The following UGT2A1 variants were observed in gnomAD, a reference collection of about 807,000 sequenced individuals.
UGT2A1 encodes the protein UDP-glucuronosyltransferase 2A1.
In UGT2A1, 61 loss-of-function variants were observed where a neutral mutation model predicts 45.4. That is an observed-to-expected ratio of 1.34 (90% CI 1.09 to 1.66). UGT2A1 has a LOEUF of 1.66. Ranked by LOEUF, UGT2A1 falls within the 40% of genes most tolerant of loss-of-function variation. The probability of loss-of-function intolerance (pLI) is 0.00; values close to 1 mark genes in which losing one functional copy is unlikely to be tolerated. For missense variants in UGT2A1, 649 were observed against 574.3 expected (o/e 1.13, Z -1.33); for synonymous variants, 229 against 196.2 (o/e 1.17, Z -1.40).
At chr4:69,613,567 A>G (rs1720194602) in intron 3 of UGT2A1, among the ~76,000 whole-genome samples, 1 of 152,030 alleles carries the variant, frequency 6.6e-6, no homozygotes, top group Non-Finnish European at 1.5e-5. Context: ...CATAGACACA[A>G]ACATCTTAAC....
chr4:69,612,652 G>A (rs1720132712), intron 3 of UGT2A1, among the ~76,000 whole-genome samples: 1 of 151,928 alleles, frequency 6.6e-6, no homozygotes, highest in Admixed American at 6.6e-5. Flanking sequence ...TCAATAAATG[G>A]TGCTGGGATA....
chr4:69,612,907 G>GAAAAA (rs34670944), intron 3 of UGT2A1, among the ~76,000 whole-genome samples: 11 of 140,048 alleles, frequency 7.9e-5, no homozygotes, highest in African/African-American at 2.1e-4. Flanking sequence ...AACCTCTGCA[G>GAAAAA]AAAAAAAAAA....
rs752746157 is a variant in UGT2A1 at position 69,589,459 on chromosome 4, C to T, written c.1497G>A (p.Val499=). The change falls in exon 7 of 7, where the codon GTG becomes GTA. Residue 499 remains valine, a synonymous_variant. Transcript: ENST00000286604. ...LDVIGFLLVC[V]TTAIFLVIQC... ...GTATGACCAAAAATATAGCCGTTGT[C>T]ACACAGACCAGCAAGAACCCAATTA... The T allele has an allele frequency of 6.2e-7, 1 of 1,614,042 alleles. No homozygotes were observed. The highest frequency in any genetic ancestry group is 8.5e-7 in the Non-Finnish European group (1 of 1,180,008).
chr4:69,590,810 A>G (rs1423664566), intron 6 of UGT2A1, among the ~76,000 whole-genome samples: 2 of 152,230 alleles, frequency 1.3e-5, no homozygotes, highest in African/African-American at 2.4e-5. Flanking sequence ...ATGTGGGACA[A>G]AGACCATGCT....
chr4:69,631,509 A>G (rs777245799), intron 3 of UGT2A1, among the ~76,000 whole-genome samples: 8 of 152,170 alleles, frequency 5.3e-5, no homozygotes, highest in Non-Finnish European at 4.4e-5. Context: ...ACCACCAATA[A>G]TGAGAAATAG....
intron 3 of UGT2A1, among the ~76,000 whole-genome samples, chr4:69,611,351 C>G (rs1272982789): frequency 7.0e-6 from 1 of 143,012 alleles, no homozygotes; most frequent in African/African-American, 2.6e-5. Flanking sequence ...CAACAAAATA[C>G]AGCAGGGTCA....
intron 3 of UGT2A1, among the ~76,000 whole-genome samples, chr4:69,600,623 T>A (rs755000756): frequency 3.3e-5 from 5 of 152,128 alleles, no homozygotes; most frequent in Non-Finnish European, 7.4e-5. Flanking sequence ...CTGAGTAATT[T>A]ATTTTTTTAA....
chr4:69,642,396 A>C (rs1313513861), intron 2 of UGT2A1, among the ~76,000 whole-genome samples: 1 of 151,788 alleles, frequency 6.6e-6, no homozygotes, highest in Admixed American at 6.6e-5. Flanking sequence ...CAGAAAAAGA[A>C]GAAGGAAGGA....
intron 3 of UGT2A1, among the ~76,000 whole-genome samples, chr4:69,607,963 C>G (rs1369382522): frequency 2.0e-5 from 3 of 152,148 alleles, no homozygotes; most frequent in Non-Finnish European, 4.4e-5. Flanking sequence ...CACTTTTACA[C>G]TGTTGGTGGG....
chr4:69,594,538 G>C lies in UGT2A1; in HGVS notation c.1243C>G (p.Leu415Val), dbSNP rs754846960. 2.5e-6 allele frequency: 4 copies of C among 1,614,006 alleles called. No homozygotes were observed. The highest frequency in any genetic ancestry group is 1.3e-5 in the African/African-American group (1 of 74,896). ...AAATCCACACTTGTCATTGTGTTTA[G>C]GTTCACTTCCACAGCTGCTCCTTTG... is the stretch of plus-strand genomic sequence containing the variant. ...KAKGAAVEVN[L>V]NTMTSVDLLS... Residue 415 changes from leucine (L) to valine (V), a missense_variant, in exon 6 of 7, where the codon CTA becomes GTA. By Grantham distance (32) the Leu-to-Val change is conservative. Transcript: ENST00000286604.
At chr4:69,609,278 A>G (rs765462117) in intron 3 of UGT2A1, among the ~76,000 whole-genome samples, 5 of 151,860 alleles carry the variant, frequency 3.3e-5, no homozygotes, top group Non-Finnish European at 7.4e-5. Flanking sequence ...TCAGCCTCTC[A>G]GTAGCTGGGA....
At chr4:69,592,808 C>A (rs1560465469) in intron 6 of UGT2A1, among the ~76,000 whole-genome samples, 2 of 151,276 alleles carry the variant, frequency 1.3e-5, no homozygotes, top group Non-Finnish European at 3.0e-5. Context: ...AGAAATAATA[C>A]AAAAAAAATT....
chr4:69,639,721 C>T (rs950218965), intron 2 of UGT2A1: 38 of 1,349,468 alleles, frequency 2.8e-5, no homozygotes, highest in South Asian at 6.8e-5. Context: ...ATATTTAGTG[C>T]GATGGTTACA....
chr4:69,599,607 G>A, intron 3 of UGT2A1: 7 of 562,596 alleles, frequency 1.2e-5, no homozygotes, highest in South Asian at 5.4e-5. Context: ...AAGGAAGGGA[G>A]GAAGGGAGGA....
chr4:69,637,585 T>G (rs1057290764), intron 2 of UGT2A1, among the ~76,000 whole-genome samples: 4 of 152,188 alleles, frequency 2.6e-5, no homozygotes, highest in African/African-American at 9.6e-5. Context: ...CCTGATGTCA[T>G]TCTTTCATTT....
intron 6 of UGT2A1, among the ~76,000 whole-genome samples, chr4:69,589,991 C>T (rs2109870755): frequency 6.6e-6 from 1 of 152,264 alleles, no homozygotes; most frequent in East Asian, 1.9e-4. Flanking sequence ...TGGTACATAA[C>T]CTAATACTGT....
chr4:69,598,159 A>G (rs1719050567), intron 4 of UGT2A1, among the ~76,000 whole-genome samples: 2 of 152,196 alleles, frequency 1.3e-5, no homozygotes, highest in Non-Finnish European at 2.9e-5. Context: ...GCCTGCAGCC[A>G]TAACTTGACT....
At chr4:69,604,819 A>G (rs1344186557) in intron 3 of UGT2A1, among the ~76,000 whole-genome samples, 1 of 137,158 alleles carries the variant, frequency 7.3e-6, no homozygotes, top group Non-Finnish European at 1.6e-5. Context: ...CAAAAGAGAC[A>G]AAGAAGGCCA....
Position 69,589,278 on chromosome 4 carries a change from TTTTG to T in UGT2A1, c.*90_*93del. ...TTTGGAAACAGGATGGGAGACGTGT[TTTTG>T]TTAAACTCCTTTTGTCTGGAATTAA... is the stretch of plus-strand genomic sequence containing the variant. On this transcript the variant is annotated 3_prime_UTR_variant, in exon 7 of 7. Transcript: ENST00000286604. The T allele has an allele frequency of 1.4e-6, 2 of 1,394,336 alleles. No homozygotes were observed. Among genetic ancestry groups the T allele is most frequent in the Non-Finnish European group, 1.9e-6 (2 of 1,061,944 alleles). The allele number at this position is 1,394,336 out of a possible 1,614,324, so 86.4% of individuals were successfully genotyped here. A position where few individuals can be genotyped will look rare whatever the true frequency, so the allele number is the denominator to read the frequency against.
Sources: gnomAD v4.1 joint callset for allele counts (sites outside exome capture counted in the v4.1 genomes callset) on GRCh38, gnomAD v4.1.1 for gene constraint, MANE v1.5 for transcripts, NCBI Gene and HGNC (gene_info 2026-07-23, HGNC 2026-07-21) for gene names.